The following CYP2C18 variants were observed in gnomAD, a reference collection of about 807,000 sequenced individuals.
CYP2C18 encodes the protein cytochrome P450 2C18.
A neutral mutation model predicts 41.3 loss-of-function variants in CYP2C18; 38 were observed. That is an observed-to-expected ratio of 0.92 (90% CI 0.71 to 1.21). CYP2C18 has a LOEUF of 1.21. CYP2C18 is among the 50% of genes most tolerant of loss of function. CYP2C18 has a pLI of 0.00. For missense variants in CYP2C18, 635 were observed against 591.4 expected, an observed-to-expected ratio of 1.07 and a Z score of -0.77; for synonymous variants, 236 against 210.0, an observed-to-expected ratio of 1.12 and a Z score of -1.07.
intron 4 of CYP2C18, among the ~76,000 whole-genome samples, chr10:94,695,657 A>G (rs1847102457): frequency 1.3e-5 from 2 of 151,980 alleles, no homozygotes; most frequent in Admixed American, 1.3e-4. Context: ...GTGCAGCACA[A>G]TGAGCATGAG....
chr10:94,709,228 C>G (rs780754224), intron 5 of CYP2C18, among the ~76,000 whole-genome samples: 1 of 152,146 alleles, frequency 6.6e-6, no homozygotes, highest in Non-Finnish European at 1.5e-5. Flanking sequence ...TGCACCATTT[C>G]GTATTCTCAC....
intron 8 of CYP2C18, among the ~76,000 whole-genome samples, chr10:94,734,820 T>C (rs34699955): frequency 6.6e-6 from 1 of 152,160 alleles, no homozygotes; most frequent in South Asian, 2.1e-4. Context: ...GAGACTGACA[T>C]GTTTAGACAT....
At chr10:94,704,487 A>C (rs186692316) in intron 4 of CYP2C18, among the ~76,000 whole-genome samples, 122 of 152,018 alleles carry the variant, frequency 8.0e-4, no homozygotes, top group African/African-American at 2.9e-3. Flanking sequence ...AGACATAGAA[A>C]AAATATATGT....
intron 4 of CYP2C18, among the ~76,000 whole-genome samples, chr10:94,697,947 T>C (rs950403585): frequency 6.6e-6 from 1 of 152,188 alleles, no homozygotes; most frequent in African/African-American, 2.4e-5. Context: ...TAAATATATA[T>C]GCACCCAATA....
At chr10:94,689,777 G>A (rs1846963129) in intron 3 of CYP2C18, among the ~76,000 whole-genome samples, 1 of 151,942 alleles carries the variant, frequency 6.6e-6, no homozygotes, top group Non-Finnish European at 1.5e-5. Flanking sequence ...TTTTATTTGG[G>A]GTTGGTTGAA....
intron 3 of CYP2C18, among the ~76,000 whole-genome samples, chr10:94,692,100 G>A (rs1165744794): frequency 6.6e-6 from 1 of 152,140 alleles, no homozygotes; most frequent in Admixed American, 6.5e-5. Context: ...ATACCATTTA[G>A]GACATAGGCA....
chr10:94,733,867 C>G (rs75445277), intron 8 of CYP2C18, among the ~76,000 whole-genome samples: 4,806 of 152,070 alleles, frequency 0.032, 123 homozygotes, highest in Middle Eastern at 0.13. Flanking sequence ...AGAGAATGGG[C>G]TCTTAAGAGG....
chr10:94,726,012 C>T (rs527890735), intron 7 of CYP2C18, among the ~76,000 whole-genome samples: 3 of 152,038 alleles, frequency 2.0e-5, no homozygotes, highest in African/African-American at 7.2e-5. Context: ...TTAGTTCTGT[C>T]TTTGGAGTGA....
chr10:94,697,090 G>T (rs947664693), intron 4 of CYP2C18, among the ~76,000 whole-genome samples: 1 of 152,182 alleles, frequency 6.6e-6, no homozygotes, highest in Non-Finnish European at 1.5e-5. Flanking sequence ...CCCCAATCTA[G>T]CAAGGCAGGC....
chr10:94,730,628 T>A (rs931127342), intron 7 of CYP2C18, among the ~76,000 whole-genome samples: 2 of 152,122 alleles, frequency 1.3e-5, no homozygotes, highest in Non-Finnish European at 2.9e-5. Flanking sequence ...GAAGACCAGG[T>A]ATGTTTAGAG....
At chr10:94,719,245 G>GA (rs151298366) in intron 5 of CYP2C18, among the ~76,000 whole-genome samples, 3,822 of 151,664 alleles carry the variant, frequency 0.025, 145 homozygotes, top group African/African-American at 0.075. Flanking sequence ...ATACAAATAA[G>GA]AAAAAAAATT....
At chr10:94,684,370 C>A (rs962591576) in intron 1 of CYP2C18, among the ~76,000 whole-genome samples, 2 of 152,148 alleles carry the variant, frequency 1.3e-5, no homozygotes, top group African/African-American at 4.8e-5. Flanking sequence ...CACCTGCCAG[C>A]CTCTGGTAGC....
At chr10:94,701,789 C>A (rs942889418) in intron 4 of CYP2C18, among the ~76,000 whole-genome samples, 16 of 152,032 alleles carry the variant, frequency 1.1e-4, no homozygotes, top group Non-Finnish European at 2.1e-4. Context: ...AGTGAATGAG[C>A]CTGACCTAAA....
intron 3 of CYP2C18, among the ~76,000 whole-genome samples, chr10:94,689,813 T>G (rs2134175639): frequency 6.6e-6 from 1 of 152,166 alleles, no homozygotes; most frequent in Non-Finnish European, 1.5e-5. Flanking sequence ...GGATACAGAG[T>G]GCTGACTATA....
At chr10:94,719,817 G>T (rs566098908) in intron 5 of CYP2C18, among the ~76,000 whole-genome samples, 1 of 151,764 alleles carries the variant, frequency 6.6e-6, no homozygotes, top group East Asian at 1.9e-4. Context: ...TCAGGTGACT[G>T]CCTGTCTTGG....
intron 4 of CYP2C18, among the ~76,000 whole-genome samples, chr10:94,695,358 G>C (rs1251532534): frequency 6.6e-6 from 1 of 151,904 alleles, no homozygotes; most frequent in Non-Finnish European, 1.5e-5. Flanking sequence ...TGTTCTCATT[G>C]TTCACCTCCC....
chr10:94,697,587 A>G (rs1847143009), intron 4 of CYP2C18, among the ~76,000 whole-genome samples: 1 of 152,196 alleles, frequency 6.6e-6, no homozygotes, highest in Non-Finnish European at 1.5e-5. Flanking sequence ...GAGCAAAATA[A>G]CCAACTAACA....
chr10:94,698,553 A>G (rs1847168001), intron 4 of CYP2C18, among the ~76,000 whole-genome samples: 1 of 152,234 alleles, frequency 6.6e-6, no homozygotes, highest in African/African-American at 2.4e-5. Flanking sequence ...TGACATGCTA[A>G]CATCACAATT....
intron 3 of CYP2C18, among the ~76,000 whole-genome samples, chr10:94,691,989 G>C (rs1847009030): frequency 6.6e-6 from 1 of 152,106 alleles, no homozygotes; most frequent in Non-Finnish European, 1.5e-5. Flanking sequence ...AGCTGAAACT[G>C]GATCCCTTCC....
Sources: gnomAD v4.1 joint callset for allele counts (sites outside exome capture counted in the v4.1 genomes callset) on GRCh38, gnomAD v4.1.1 for gene constraint, MANE v1.5 for transcripts, NCBI Gene and HGNC (gene_info 2026-07-23, HGNC 2026-07-21) for gene names.